The following NFYA variants were observed in gnomAD, a reference collection of about 807,000 sequenced individuals.
NFYA encodes the protein CAAT-box DNA binding protein subunit A.
Under a neutral mutation model 52.8 loss-of-function variants are expected in NFYA, and 28 were observed. The ratio of observed to expected loss-of-function variants is 0.53; its 90% CI spans 0.39 to 0.73. The LOEUF is 0.73. Among genes scored for constraint, NFYA ranks in the 30% least tolerant of loss-of-function variants. NFYA has a pLI of 0.00. For missense variants in NFYA, 234 were observed against 427.0 expected (o/e 0.55, Z 3.98); for synonymous variants, 150 against 150.7 (o/e 1.00, Z 0.03).
At chr6:41,086,921 T>C (rs1764062577) in intron 4 of NFYA, among the ~76,000 whole-genome samples, 1 of 152,016 alleles carries the variant, frequency 6.6e-6, no homozygotes, top group Non-Finnish European at 1.5e-5. Context: ...CAAAAGAAAA[T>C]ATAAGAATTT....
intron 4 of NFYA, among the ~76,000 whole-genome samples, chr6:41,085,501 A>G (rs894630447): frequency 1.6e-4 from 24 of 152,300 alleles, no homozygotes; most frequent in African/African-American, 3.8e-4. Flanking sequence ...CCAACCCCCC[A>G]TGAGTATATG....
At chr6:41,087,992 CA>C (rs1196591286) in intron 4 of NFYA, among the ~76,000 whole-genome samples, 1 of 152,048 alleles carries the variant, frequency 6.6e-6, no homozygotes, top group Non-Finnish European at 1.5e-5. Context: ...ATTAAATCAA[CA>C]AAAATTTGAC....
At chr6:41,080,531 T>G (rs1763876717) in intron 2 of NFYA, among the ~76,000 whole-genome samples, 1 of 152,186 alleles carries the variant, frequency 6.6e-6, no homozygotes. Flanking sequence ...AGTGTCAGAT[T>G]CCTGTTTCTG....
At chr6:41,093,835 T>C (rs1046323418) in intron 8 of NFYA, among the ~76,000 whole-genome samples, 3 of 152,216 alleles carry the variant, frequency 2.0e-5, no homozygotes, top group Non-Finnish European at 4.4e-5. Context: ...GGAATTTAGT[T>C]ACCTGATCAC....
intron 3 of NFYA, 148 bp downstream of exon 3, chr6:41,081,045 T>C: frequency 3.4e-6 from 2 of 585,084 alleles, no homozygotes; most frequent in Admixed American, 5.7e-5. Flanking sequence ...GCTTATAAGA[T>C]GCCAGTTTCC....
Position 41,100,802 on chromosome 6 carries a change from G to T in NFYA, c.*3392G>T, listed in dbSNP as rs72856260. 0.074 allele frequency among the ~76,000 whole-genome samples: 11,258 copies of T among 152,298 alleles called. 546 individuals carry two copies. Among genetic ancestry groups the T allele is most frequent in the Middle Eastern group, 0.13 (38 of 294 alleles). ...GTAGAAAAGACAGCTTTGCTCCTTT[G>T]AAAGCGCAGACCGCCGCACCTCCAG... On this transcript the variant is annotated 3_prime_UTR_variant, in exon 10 of 10. Transcript: ENST00000341376.
At position 41,084,134 on chromosome 6, in the gene NFYA, G is replaced by C. The variant is rs200299860; in HGVS notation, c.251G>C (p.Gly84Ala). ...GQPIMVQAVPGGQGQTIMQVP... is the reference protein window; with the variant it reads ...GQPIMVQAVPAGQGQTIMQVP... ...CCCATCATGGTCCAGGCTGTCCCTG[G>C]TGGACAAGGTCAAACCATCATGCAA... Residue 84 changes from glycine to alanine, a missense_variant, in exon 4 of 10, where the codon GGT becomes GCT. Physicochemically the swap from Gly to Ala is moderately conservative, Grantham distance 60 (BLOSUM62 0). Transcript: ENST00000341376. The C allele has an allele frequency of 6.2e-7, 1 of 1,614,126 alleles. No individual in the cohort carries two copies. The highest frequency in any genetic ancestry group is 2.2e-5 in the East Asian group (1 of 44,884).
chr6:41,083,488 C>T (rs1763963616), intron 3 of NFYA, among the ~76,000 whole-genome samples: 2 of 151,536 alleles, frequency 1.3e-5, no homozygotes, highest in South Asian at 4.2e-4. Flanking sequence ...TAAAGGTATA[C>T]ATTTGACATT....
chr6:41,094,795 C>G (rs529003693), intron 9 of NFYA, among the ~76,000 whole-genome samples: 6 of 152,262 alleles, frequency 3.9e-5, no homozygotes, highest in African/African-American at 1.4e-4. Context: ...AAAAACTAGC[C>G]AGGCCTGGTG....
chr6:41,085,643 C>T (rs1310544752), intron 4 of NFYA, among the ~76,000 whole-genome samples: 3 of 152,118 alleles, frequency 2.0e-5, no homozygotes, highest in Non-Finnish European at 2.9e-5. Context: ...AAAAAAGCAG[C>T]CATGATCCCA....
At chr6:41,075,992 G>A (rs1763723485) in intron 1 of NFYA, among the ~76,000 whole-genome samples, 1 of 152,220 alleles carries the variant, frequency 6.6e-6, no homozygotes, top group African/African-American at 2.4e-5. Flanking sequence ...GTAGGATGAT[G>A]GGGAAGCTGG....
In NFYA at chr6:41,076,037, C is replaced by T. The variant is rs139225432; in HGVS notation, c.-62+2953C>T. Among the ~76,000 whole-genome samples the T allele has an allele frequency of 4.0e-4, 61 of 152,238 alleles. No homozygotes were observed. In the East Asian group the frequency reaches 9.5e-3, roughly 24 times the overall value. On this transcript the variant is annotated intron_variant, in intron 1 of 9. Transcript: ENST00000341376. ...TGTTGTAGTCTAGTCTTTCATCAAGCGTCTATCAGGACCCACTTGTTGAGT... is the reference window on the plus strand; with the variant it reads ...TGTTGTAGTCTAGTCTTTCATCAAGTGTCTATCAGGACCCACTTGTTGAGT...
chr6:41,097,279 G>T, intron 9 of NFYA, 78 bp from the exon 10 acceptor site: 1 of 1,306,574 alleles, frequency 7.7e-7, no homozygotes, highest in Non-Finnish European at 1.1e-6. Flanking sequence ...TATTCTCTTG[G>T]GGGGATAAGT....
Position 41,099,781 on chromosome 6 carries a change from T to C in NFYA, c.*2371T>C, listed in dbSNP as rs1441401441. 6.6e-6 allele frequency: 1 copy of C among 151,884 alleles called. No homozygotes were observed. Among genetic ancestry groups the C allele is most frequent in the African/African-American group, 2.4e-5 (1 of 41,352 alleles). 9.4% of individuals were successfully genotyped at this position (151,884 alleles called of 1,614,324 possible). A position where few individuals can be genotyped will look rare whatever the true frequency, so the allele number is the denominator to read the frequency against. On this transcript the variant is annotated 3_prime_UTR_variant, in exon 10 of 10. Transcript: ENST00000341376. ...TTTAACTGCACTGGTACATTGAACATGTCAGTGTCGATGCCACTGGACCAA... is the reference window on the plus strand; with the variant it reads ...TTTAACTGCACTGGTACATTGAACACGTCAGTGTCGATGCCACTGGACCAA...
In NFYA at chr6:41,080,808, C is replaced by G; in HGVS notation, c.76-3C>G. On this transcript the variant is annotated splice_region_variant and splice_polypyrimidine_tract_variant and intron_variant, in intron 2 of 9. Coordinates refer to ENST00000341376, the MANE Select transcript of NFYA (RefSeq NM_002505.5). Reference sequence around the variant, plus strand: ...TTCAAGCTCTTCCTGTTCCTGTTCTCAGCAGCAGGGTGGTGTCACTGCTGT... The same window carrying G: ...TTCAAGCTCTTCCTGTTCCTGTTCTGAGCAGCAGGGTGGTGTCACTGCTGT... The G allele has an allele frequency of 6.2e-7, 1 of 1,612,662 alleles. No individual in the cohort carries two copies.
At chr6:41,074,115 T>C (rs775723345) in intron 1 of NFYA, among the ~76,000 whole-genome samples, 60 of 152,230 alleles carry the variant, frequency 3.9e-4, no homozygotes, top group Non-Finnish European at 6.8e-4. Flanking sequence ...GGGTTTTTTT[T>C]CCCTTTGTTT....
rs369487590 is a variant in NFYA, at chr6:41,090,189, A to G, written c.442-15A>G. 2.3e-5 allele frequency: 36 copies of G among 1,547,632 alleles called. No individual in the cohort carries two copies. Among genetic ancestry groups the G allele is most frequent in the Non-Finnish European group, 3.1e-5 (35 of 1,120,920 alleles). ...TTGGGATCTGTTGAATTGTGTCATT[A>G]CTTATTTCCTCCAGACACAGCAGCA... On this transcript the variant is annotated splice_polypyrimidine_tract_variant and intron_variant, in intron 5 of 9. Coordinates refer to ENST00000341376, the MANE Select transcript of NFYA (RefSeq NM_002505.5).
intron 4 of NFYA, among the ~76,000 whole-genome samples, chr6:41,086,532 T>C (rs1764048929): frequency 6.6e-6 from 1 of 151,934 alleles, no homozygotes. Flanking sequence ...GTTTTTTTTC[T>C]CATTAGTGTT....
At chr6:41,088,683 C>T (rs1764114894) in intron 4 of NFYA, among the ~76,000 whole-genome samples, 1 of 151,428 alleles carries the variant, frequency 6.6e-6, no homozygotes, top group South Asian at 2.1e-4. Flanking sequence ...CTCCCAGGCT[C>T]AAATGATCCT....
Sources: allele counts gnomAD v4.1 joint callset (sites outside exome capture counted in the v4.1 genomes callset), GRCh38; gene constraint gnomAD v4.1.1; transcripts MANE v1.5; gene names NCBI Gene and HGNC (gene_info 2026-07-23, HGNC 2026-07-21).